The following GALNT17 variants were observed in gnomAD, a reference collection of about 807,000 sequenced individuals.
GALNT17 encodes polypeptide N-acetylgalactosaminyltransferase 17, also known as UDP-GalNAc:polypeptide N-acetylgalactosaminyltransferase-like 3.
GALNT17 carries 29 observed loss-of-function variants against 63.7 expected under a neutral mutation model. The ratio of observed to expected loss-of-function variants is 0.46; its 90% CI spans 0.34 to 0.62. The LOEUF (loss-of-function observed/expected upper bound fraction) is 0.62, where lower values mean the gene tolerates loss of function less well. Among genes scored for constraint, GALNT17 ranks in the 20% least tolerant of loss-of-function variants. GALNT17 has a pLI of 0.01. For missense variants in GALNT17, 603 were observed against 799.6 expected, an observed-to-expected ratio of 0.75 and a Z score of 2.97; for synonymous variants, 305 against 318.3, an observed-to-expected ratio of 0.96 and a Z score of 0.45.
rs1337096366 is a variant in GALNT17 at position 71,712,117 on chromosome 7, A to T, written c.1768A>T (p.Arg590Trp). 2 of 1,613,894 alleles carry T rather than the reference A, an allele frequency of 1.2e-6. No homozygotes were observed. The highest frequency in any genetic ancestry group is 2.2e-5 in the South Asian group (2 of 91,082). The change falls in exon 11 of 11, where the codon AGG becomes TGG. Residue 590 changes from arginine (R) to tryptophan (W), a missense_variant. Around this residue, in one of 3 missense-constraint regions of GALNT17, gnomAD observed 72 missense variants for 76.9 expected, o/e 0.94. Coordinates refer to ENST00000333538, the MANE Select transcript of GALNT17 (RefSeq NM_022479.3). ...CATCCTCCGCAGCTGCACAGGTCAG[A>T]GGTGGACCATTAAGAACTCCATCAA... ...DLILRSCTGQ[R>W]WTIKNSIK is the part of the protein sequence containing the mutation.
chr7:71,161,248 A>T (rs1338356636), intron 1 of GALNT17, among the ~76,000 whole-genome samples: 2 of 152,140 alleles, frequency 1.3e-5, no homozygotes, highest in Non-Finnish European at 2.9e-5. Context: ...ATAATTTAAA[A>T]ACCTTGTTAA....
chr7:71,158,629 T>C (rs949694555), intron 1 of GALNT17, among the ~76,000 whole-genome samples: 2 of 151,664 alleles, frequency 1.3e-5, no homozygotes, highest in Admixed American at 1.3e-4. Flanking sequence ...CAGGCTGGAG[T>C]GCAGTGGCAC....
chr7:71,333,866 T>C (rs2116078980), intron 1 of GALNT17, among the ~76,000 whole-genome samples: 1 of 152,320 alleles, frequency 6.6e-6, no homozygotes, highest in Admixed American at 6.5e-5. Flanking sequence ...ACTAGTAATG[T>C]TGCATCACAA....
At chr7:71,432,198 G>T (rs1315241490) in intron 5 of GALNT17, among the ~76,000 whole-genome samples, 1 of 152,080 alleles carries the variant, frequency 6.6e-6, no homozygotes, top group Non-Finnish European at 1.5e-5. Flanking sequence ...CTGCAGAGAT[G>T]CATGAAGAGT....
intron 1 of GALNT17, among the ~76,000 whole-genome samples, chr7:71,254,235 G>A (rs1396744108): frequency 6.6e-6 from 1 of 152,206 alleles, no homozygotes; most frequent in Admixed American, 6.5e-5. Flanking sequence ...GGTTATGATA[G>A]ATTCTTGTGG....
At position 71,178,864 on chromosome 7, in the gene GALNT17, A is replaced by AT. The variant is rs554352828; in HGVS notation, c.238+45832dup. Among the ~76,000 whole-genome samples, 43 of 151,882 alleles carry AT rather than the reference A, an allele frequency of 2.8e-4. 1 individual carries two copies. The South Asian group carries it at 8.3e-3, about 29-fold the overall frequency. ...CAACATCTGGATCATCCTTGGGTTG[A>AT]TTTTTTTTAAATGAATTTTTTCCTT... On this transcript the variant is annotated intron_variant, in intron 1 of 10. Transcript: ENST00000333538.
Position 71,710,893 on chromosome 7 carries a change from A to G in GALNT17, c.1633A>G (p.Lys545Glu). The change falls in exon 10 of 11, where the codon AAG becomes GAG. Residue 545 changes from lysine to glutamate, a missense_variant. This residue lies in a region of GALNT17 where 72 missense variants were observed against 76.9 expected (regional missense o/e 0.94). Transcript: ENST00000333538. ...CCAGCTCCTGGACTGCGACAAGGTC[A>G]AGAGCAGCCTGTACAAGCGCTGGAA... ...LPQLLDCDKV[K>E]SSLYKRWNFI... 6.2e-7 allele frequency: 1 copy of G among 1,614,010 alleles called. No individual in the cohort carries two copies. Among genetic ancestry groups the G allele is most frequent in the South Asian group, 1.1e-5 (1 of 91,076 alleles).
chr7:71,222,338 G>C (rs1410705942), intron 1 of GALNT17, among the ~76,000 whole-genome samples: 1 of 152,058 alleles, frequency 6.6e-6, no homozygotes, highest in Non-Finnish European at 1.5e-5. Context: ...ACACACCCAG[G>C]CTGGAGTACA....
chr7:71,436,728 A>T (rs1340610014), intron 5 of GALNT17, among the ~76,000 whole-genome samples: 3 of 147,400 alleles, frequency 2.0e-5, no homozygotes, highest in East Asian at 1.9e-4. Flanking sequence ...CAAAAAAAAA[A>T]TAAAAAATAA....
chr7:71,502,899 C>T (rs898696255), intron 5 of GALNT17, among the ~76,000 whole-genome samples: 9 of 152,146 alleles, frequency 5.9e-5, no homozygotes, highest in Non-Finnish European at 1.3e-4. Flanking sequence ...TATCAGTTTG[C>T]CCCATCAAGT....
Position 71,504,121 on chromosome 7 carries a change from G to A in GALNT17, c.963-67164G>A, listed in dbSNP as rs190321160. The stretch of plus-strand genomic sequence containing the variant: ...CGGGAACCTGTAGTCCCAGCTACTC[G>A]GGAGGCTGAGGCAGGAGAATGGTGT... On this transcript the variant is annotated intron_variant, in intron 5 of 10. Transcript: ENST00000333538. 2.6e-3 allele frequency among the ~76,000 whole-genome samples: 388 copies of A among 152,044 alleles called. 11 individuals are homozygous for A. The highest frequency in any genetic ancestry group is 0.023 in the Admixed American group (354 of 15,256).
rs139718639 is a variant in GALNT17, at chr7:71,694,777, G to A, written c.1501-15984G>A. ...CCCAGGGCCATAAAATCATTAAGTA[G>A]CAGAGCCTGGATTTCTTAAGCAGGC... On this transcript the variant is annotated intron_variant, in intron 9 of 10. Coordinates refer to ENST00000333538, the MANE Select transcript of GALNT17 (RefSeq NM_022479.3). 2.3e-4 allele frequency among the ~76,000 whole-genome samples: 35 copies of A among 152,344 alleles called. No homozygotes were observed. The East Asian group carries it at 6.4e-3, about 28-fold the overall frequency.
intron 6 of GALNT17, among the ~76,000 whole-genome samples, chr7:71,657,110 G>A (rs1790840168): frequency 6.6e-6 from 1 of 152,106 alleles, no homozygotes; most frequent in South Asian, 2.1e-4. Context: ...AAAGTCACAG[G>A]ACAAGACCAG....
chr7:71,561,896 A>G (rs997551503), intron 5 of GALNT17, among the ~76,000 whole-genome samples: 6 of 152,078 alleles, frequency 3.9e-5, no homozygotes, highest in Non-Finnish European at 7.4e-5. Context: ...CTTCTGGTAC[A>G]TTCTGGAGAT....
intron 1 of GALNT17, among the ~76,000 whole-genome samples, chr7:71,234,960 G>C (rs894753353): frequency 6.6e-6 from 1 of 152,058 alleles, no homozygotes; most frequent in South Asian, 2.1e-4. Context: ...TAAAAAGTTC[G>C]GTCTGTTCAG....
chr7:71,257,998 G>A (rs113413756), intron 1 of GALNT17, among the ~76,000 whole-genome samples: 2,719 of 152,102 alleles, frequency 0.018, 53 homozygotes, highest in African/African-American at 0.054. Flanking sequence ...CCAAATCATC[G>A]CTCCCCTCGG....
At chr7:71,294,409 C>CTTTTTT (rs869086513) in intron 1 of GALNT17, among the ~76,000 whole-genome samples, 40 of 91,910 alleles carry the variant, frequency 4.4e-4, no homozygotes, top group Non-Finnish European at 5.4e-4. Context: ...CTCATAAGTC[C>CTTTTTT]TTTTTTTTTT....
At chr7:71,428,336 A>C (rs760675207) in intron 5 of GALNT17, among the ~76,000 whole-genome samples, 7 of 152,068 alleles carry the variant, frequency 4.6e-5, no homozygotes, top group Non-Finnish European at 8.8e-5. Flanking sequence ...ATATAAGTGG[A>C]GTCCTGCAGA....
chr7:71,649,932 C>T (rs1790731962), intron 6 of GALNT17, among the ~76,000 whole-genome samples: 1 of 152,162 alleles, frequency 6.6e-6, no homozygotes, highest in Admixed American at 6.5e-5. Context: ...AAGCTTCTTT[C>T]CAAGGGGTAT....
Sources: gnomAD v4.1 joint callset for allele counts (sites outside exome capture counted in the v4.1 genomes callset) on GRCh38, gnomAD v4.1.1 for gene constraint, gnomAD v4.1.1 regional missense constraint, MANE v1.5 for transcripts, NCBI Gene and HGNC (gene_info 2026-07-23, HGNC 2026-07-21) for gene names.